PID1: variants seen among roughly 807,000 people sequenced by gnomAD.
The protein encoded by PID1 is phosphotyrosine interaction domain containing 1.
A neutral mutation model predicts 19.1 loss-of-function variants in PID1; 10 were observed. The ratio of observed to expected loss-of-function variants is 0.52; its 90% CI spans 0.32 to 0.89. The LOEUF (loss-of-function observed/expected upper bound fraction) is 0.89. PID1 is among the 40% of genes least tolerant of loss of function. The pLI is 0.03. For synonymous variants in PID1, 130 were observed against 116.0 expected (o/e 1.12, Z -0.78); for missense variants, 248 against 285.3 (o/e 0.87, Z 0.94).
chr2:229,040,413 T>C (rs1415055732), intron 2 of PID1, among the ~76,000 whole-genome samples: 1 of 152,142 alleles, frequency 6.6e-6, no homozygotes, highest in Non-Finnish European at 1.5e-5. Flanking sequence ...TATATTTGTT[T>C]GTGAAAAAAG....
At chr2:229,060,696 A>G (rs925823786) in intron 2 of PID1, among the ~76,000 whole-genome samples, 72 of 152,222 alleles carry the variant, frequency 4.7e-4, no homozygotes, top group African/African-American at 1.7e-3. Flanking sequence ...ACCTCTATAC[A>G]GTTTTCCATA....
chr2:229,108,776 G>GTT (rs1695229349), intron 2 of PID1, among the ~76,000 whole-genome samples: 2 of 152,100 alleles, frequency 1.3e-5, no homozygotes, highest in South Asian at 4.1e-4. Flanking sequence ...TAAGGAGCCT[G>GTT]GACACAGTCG....
intron 2 of PID1, among the ~76,000 whole-genome samples, chr2:229,146,102 C>G (rs1344379178): frequency 6.6e-6 from 1 of 152,118 alleles, no homozygotes; most frequent in Non-Finnish European, 1.5e-5. Context: ...AGGACATGAA[C>G]TCATTCTTTT....
intron 2 of PID1, among the ~76,000 whole-genome samples, chr2:229,089,628 T>G (rs945357651): frequency 3.3e-5 from 5 of 152,188 alleles, no homozygotes. Flanking sequence ...GCGTATTAAT[T>G]AACTGCAGAG....
chr2:229,055,987 T>C (rs1475637475), intron 2 of PID1, among the ~76,000 whole-genome samples: 1 of 152,186 alleles, frequency 6.6e-6, no homozygotes, highest in Non-Finnish European at 1.5e-5. Context: ...GGAATTCAAA[T>C]CCACAGAAAC....
chr2:229,041,675 A>C (rs949394671), intron 2 of PID1, among the ~76,000 whole-genome samples: 1 of 152,184 alleles, frequency 6.6e-6, no homozygotes, highest in African/African-American at 2.4e-5. Flanking sequence ...GAGAGCAATA[A>C]ATTCTCAATG....
chr2:229,141,747 T>C (rs1690016430), intron 2 of PID1, among the ~76,000 whole-genome samples: 1 of 152,104 alleles, frequency 6.6e-6, no homozygotes, highest in South Asian at 2.1e-4. Context: ...AGTAAATTAT[T>C]TTATAATTCC....
chr2:229,041,569 A>G (rs889453543), intron 2 of PID1, among the ~76,000 whole-genome samples: 11 of 152,350 alleles, frequency 7.2e-5, no homozygotes, highest in Admixed American at 2.0e-4. Context: ...AAGAAGTATC[A>G]GTGGATGCTA....
chr2:229,235,652 G>T (rs1253754864), intron 1 of PID1, among the ~76,000 whole-genome samples: 1 of 152,182 alleles, frequency 6.6e-6, no homozygotes, highest in Non-Finnish European at 1.5e-5. Context: ...TCACTGACAA[G>T]TATTATCGTT....
chr2:229,212,899 G>A (rs1691769115), intron 1 of PID1, among the ~76,000 whole-genome samples: 1 of 151,940 alleles, frequency 6.6e-6, no homozygotes, highest in African/African-American at 2.4e-5. Context: ...CCCACCTGAA[G>A]TGCACCCTCT....
intron 2 of PID1, among the ~76,000 whole-genome samples, chr2:229,138,581 A>C (rs549667088): frequency 1.6e-4 from 24 of 152,240 alleles, no homozygotes; most frequent in Non-Finnish European, 2.8e-4. Context: ...CCTCCTCAGA[A>C]AAAATGGATC....
chr2:229,083,514 G>C (rs1001935834), intron 2 of PID1, among the ~76,000 whole-genome samples: 1 of 152,128 alleles, frequency 6.6e-6, no homozygotes, highest in African/African-American at 2.4e-5. Flanking sequence ...TAAAGAACTT[G>C]AGGCAAGAGA....
chr2:229,177,464 T>C (rs1331347801), intron 1 of PID1, among the ~76,000 whole-genome samples: 3 of 152,202 alleles, frequency 2.0e-5, no homozygotes, highest in African/African-American at 4.8e-5. Flanking sequence ...TTATTTTCTT[T>C]TTTCGTTGTC....
chr2:229,116,287 A>G (rs1695410067), intron 2 of PID1, among the ~76,000 whole-genome samples: 1 of 152,194 alleles, frequency 6.6e-6, no homozygotes, highest in East Asian at 1.9e-4. Flanking sequence ...GTAATGAGCC[A>G]TTTAGTTATT....
chr2:229,155,597 C>A (rs1351177203), intron 2 of PID1, among the ~76,000 whole-genome samples: 4 of 151,856 alleles, frequency 2.6e-5, no homozygotes, highest in Admixed American at 6.6e-5. Flanking sequence ...ACAAAAAAAC[C>A]CTAGGTCTTT....
At chr2:229,169,029 G>T (rs1439965604) in intron 1 of PID1, among the ~76,000 whole-genome samples, 1 of 152,140 alleles carries the variant, frequency 6.6e-6, no homozygotes, top group Non-Finnish European at 1.5e-5. Context: ...GCTAGGAGAA[G>T]GTCCCTCTCC....
chr2:229,111,103 T>G (rs772742252), intron 2 of PID1, among the ~76,000 whole-genome samples: 8 of 152,336 alleles, frequency 5.3e-5, no homozygotes, highest in Middle Eastern at 3.4e-3. Flanking sequence ...CATGGAAGAC[T>G]TGCCTTTTGC....
In PID1 at chr2:229,112,703, G is replaced by A. The variant is rs181850690; in HGVS notation, c.177+43115C>T. On this transcript the variant is annotated intron_variant, in intron 2 of 2. Coordinates refer to ENST00000392055, the MANE Select transcript of PID1 (RefSeq NM_001100818.2). ...TTTCACCATGTTTCCCAGGCTGGTC[G>A]CAAACTCCTGAGCTCAGGCAATCCG... Among the ~76,000 whole-genome samples, 16 of 152,104 alleles carry A rather than the reference G, an allele frequency of 1.1e-4. No homozygotes were observed. The East Asian group carries it at 1.7e-3, about 17-fold the overall frequency.
chr2:229,100,179 A>G (rs534167334), intron 2 of PID1, among the ~76,000 whole-genome samples: 2 of 152,302 alleles, frequency 1.3e-5, no homozygotes, highest in Admixed American at 1.3e-4. Flanking sequence ...TGTGAGACAC[A>G]AATTTCTATT....
Sources: gnomAD v4.1 joint callset for allele counts (sites outside exome capture counted in the v4.1 genomes callset) on GRCh38, gnomAD v4.1.1 for gene constraint, MANE v1.5 for transcripts, NCBI Gene and HGNC (gene_info 2026-07-23, HGNC 2026-07-21) for gene names.